Variants in PCDHA2 observed in about 807,000 individuals in gnomAD.
PCDHA2 encodes the protein protocadherin alpha 2.
Under a neutral mutation model 66.0 loss-of-function variants are expected in PCDHA2, and 58 were observed. That is an observed-to-expected ratio of 0.88 (90% CI 0.71 to 1.09). The LOEUF is 1.09. Among genes scored for constraint, PCDHA2 ranks in the 50% least tolerant of loss-of-function variants. The pLI, the probability that PCDHA2 is intolerant of heterozygous loss-of-function variation, is 0.00. For synonymous variants in PCDHA2, 634 were observed against 554.0 expected (o/e 1.14, Z -2.03); for missense variants, 1,267 against 1,242.3 (o/e 1.02, Z -0.30).
intron 3 of PCDHA2, among the ~76,000 whole-genome samples, chr5:140,996,256 A>C (rs2097718697): frequency 6.6e-6 from 1 of 152,252 alleles, no homozygotes. Flanking sequence ...TGACAGCAAC[A>C]CAGAGCCTGG....
At position 140,795,471 on chromosome 5, in the gene PCDHA2, C is replaced by T. The variant is rs1554119448; in HGVS notation, c.507C>T (p.Ser169=). Reference sequence around the variant, plus strand: ...ATATAGGAGTAAATGCTCTTCTCTCCTACAAGCTCAGCTCCAGTGAGTTTT... The same window carrying T: ...ATATAGGAGTAAATGCTCTTCTCTCTTACAAGCTCAGCTCCAGTGAGTTTT... ...DADIGVNALL[S]YKLSSSEFFF... is the part of the protein sequence containing the mutation. Residue 169 remains serine, a synonymous_variant, in exon 1 of 4, where the codon TCC becomes TCT. Transcript: ENST00000526136. 9 of 1,614,114 alleles carry T rather than the reference C, an allele frequency of 5.6e-6. No individual in the cohort carries two copies. Among genetic ancestry groups the T allele is most frequent in the South Asian group, 1.1e-5 (1 of 91,074 alleles).
chr5:140,813,190 T>C (rs1056157479), intron 1 of PCDHA2: 3 of 152,244 alleles, frequency 2.0e-5, no homozygotes, highest in South Asian at 4.1e-4. Flanking sequence ...CTCTGCTTCC[T>C]TGCTGATTTT....
intron 1 of PCDHA2, among the ~76,000 whole-genome samples, chr5:140,955,489 A>G (rs1554221953): frequency 1.3e-5 from 2 of 152,114 alleles, no homozygotes; most frequent in Non-Finnish European, 2.9e-5. Context: ...CCTTCCTGCC[A>G]CCATGTGAAG....
intron 1 of PCDHA2, chr5:140,824,044 G>A: frequency 1.2e-6 from 2 of 1,614,184 alleles, no homozygotes; most frequent in Non-Finnish European, 1.7e-6. Context: ...GAGACAGAGG[G>A]TGTGCTCTGG....
intron 1 of PCDHA2, chr5:140,968,827 C>T (rs1398985109): frequency 1.2e-6 from 2 of 1,614,094 alleles, no homozygotes; most frequent in Non-Finnish European, 1.7e-6. Context: ...TTTCCAAAAT[C>T]CTCCCTGACA....
Position 140,795,073 on chromosome 5 carries a change from G to C in PCDHA2, c.109G>C (p.Glu37Gln). The change falls in exon 1 of 4, where the codon GAG becomes CAG. Residue 37 changes from glutamate (E) to glutamine (Q), a missense_variant. By Grantham distance (29) the Glu-to-Gln change is conservative (BLOSUM62 2). Coordinates refer to ENST00000526136, the MANE Select transcript of PCDHA2 (RefSeq NM_018905.3). Reference sequence around the variant, plus strand: ...CGGCCAGCTCCGCTACTCCGTCCCCGAGGAGGCCAAACACGGCACCTTCGT... The same window carrying C: ...CGGCCAGCTCCGCTACTCCGTCCCCCAGGAGGCCAAACACGGCACCTTCGT... ...GSGQLRYSVP[E>Q]EAKHGTFVGR... 1.2e-6 allele frequency: 2 copies of C among 1,613,978 alleles called. No homozygotes were observed. Among genetic ancestry groups the C allele is most frequent in the Non-Finnish European group, 1.7e-6 (2 of 1,180,046 alleles).
At chr5:140,852,715 C>T in intron 1 of PCDHA2, 1 of 981,378 alleles carries the variant, frequency 1.0e-6, no homozygotes, top group Non-Finnish European at 1.2e-6. Context: ...TTTGTCTTTG[C>T]ACGTTTTTCA....
intron 1 of PCDHA2, chr5:140,928,385 T>G: frequency 6.2e-7 from 1 of 1,614,046 alleles, no homozygotes; most frequent in Middle Eastern, 1.7e-4. Flanking sequence ...TCTAGCTTGC[T>G]GGCAGTGGAA....
intron 1 of PCDHA2, among the ~76,000 whole-genome samples, chr5:140,871,921 A>G (rs1267841761): frequency 6.6e-6 from 1 of 152,296 alleles, no homozygotes; most frequent in African/African-American, 2.4e-5. Flanking sequence ...ATATTTCCAC[A>G]TTGTTAGATC....
chr5:140,816,512 T>G (rs2126672655), intron 1 of PCDHA2: 8 of 142,424 alleles, frequency 5.6e-5, no homozygotes, highest in Non-Finnish European at 1.2e-4. Context: ...TGTGTTTGTG[T>G]GTGTGTGTGT....
At chr5:140,806,763 G>A (rs1390450041) in intron 1 of PCDHA2, among the ~76,000 whole-genome samples, 3 of 152,072 alleles carry the variant, frequency 2.0e-5, no homozygotes, top group Non-Finnish European at 4.4e-5. Context: ...TTAGGTCTCT[G>A]TAATACTTAA....
intron 1 of PCDHA2, chr5:140,875,368 T>G (rs745982019): frequency 1.3e-5 from 19 of 1,449,988 alleles, no homozygotes; most frequent in Non-Finnish European, 1.7e-5. Context: ...TGGAAAAAAT[T>G]TACTAAATAT....
intron 3 of PCDHA2, among the ~76,000 whole-genome samples, chr5:140,999,672 C>T (rs2153958475): frequency 6.6e-6 from 1 of 152,214 alleles, no homozygotes; most frequent in South Asian, 2.1e-4. Context: ...TTGCGGGGGG[C>T]TCACAGAAAG....
At chr5:140,986,393 C>T (rs1554248003) in intron 3 of PCDHA2, among the ~76,000 whole-genome samples, 1 of 152,148 alleles carries the variant, frequency 6.6e-6, no homozygotes, top group Non-Finnish European at 1.5e-5. Context: ...ATTAAAGGGC[C>T]AGTCGCTCAT....
At chr5:140,941,718 T>G (rs910042752) in intron 1 of PCDHA2, among the ~76,000 whole-genome samples, 1 of 152,204 alleles carries the variant, frequency 6.6e-6, no homozygotes, top group African/African-American at 2.4e-5. Context: ...CCACAATTTG[T>G]CCTAGCAGTT....
chr5:140,895,838 TCTCA>T (rs1554186667), intron 1 of PCDHA2, among the ~76,000 whole-genome samples: 2 of 152,136 alleles, frequency 1.3e-5, no homozygotes, highest in Admixed American at 1.3e-4. Context: ...TCAGACAAAG[TCTCA>T]CTCTTGTACC....
Position 141,009,742 on chromosome 5 carries a change from C to A in PCDHA2, c.2652C>A (p.Asp884Glu). 6.2e-7 allele frequency: 1 copy of A among 1,614,160 alleles called. No individual in the cohort carries two copies. Among genetic ancestry groups the A allele is most frequent in the Non-Finnish European group, 8.5e-7 (1 of 1,180,038 alleles). The part of the protein sequence containing the change: ...PKQSGPGELP[D>E]KFIIPGSPAI... ...AATCCGGTCCCGGTGAGTTGCCCGA[C>A]AAATTCATTATCCCAGGATCTCCTG... is the stretch of plus-strand genomic sequence containing the variant. The change falls in exon 4 of 4, where the codon GAC becomes GAA. Residue 884 changes from aspartate to glutamate, a missense_variant. By Grantham distance (45) the Asp-to-Glu change is conservative. Coordinates refer to ENST00000526136, the MANE Select transcript of PCDHA2 (RefSeq NM_018905.3).
At chr5:140,829,931 C>T in intron 1 of PCDHA2, 2 of 1,614,016 alleles carry the variant, frequency 1.2e-6, no homozygotes, top group Non-Finnish European at 1.7e-6. Flanking sequence ...GCTGCAGCCC[C>T]CGGCAAGCAG....
intron 1 of PCDHA2, chr5:140,967,903 A>C: frequency 6.2e-7 from 1 of 1,614,112 alleles, no homozygotes; most frequent in Non-Finnish European, 8.5e-7. Flanking sequence ...AGAATGCTAC[A>C]CCCAACACCA....
Sources: allele counts gnomAD v4.1 joint callset (sites outside exome capture counted in the v4.1 genomes callset), GRCh38; gene constraint gnomAD v4.1.1; transcripts MANE v1.5; gene names NCBI Gene and HGNC (gene_info 2026-07-23, HGNC 2026-07-21).